The following C9 variants were observed in gnomAD, a reference collection of about 807,000 sequenced individuals.
The protein encoded by C9 is complement component C9.
Under a neutral mutation model 65.4 loss-of-function variants are expected in C9, and 63 were observed. The observed-to-expected ratio is 0.96, with a 90% CI of 0.79 to 1.19. The LOEUF (loss-of-function observed/expected upper bound fraction) is 1.19, where lower values mean the gene tolerates loss of function less well. Ranked by LOEUF, C9 falls within the 50% of genes most tolerant of loss-of-function variation. The probability of loss-of-function intolerance (pLI) is 0.00; values close to 1 mark genes in which losing one functional copy is unlikely to be tolerated. For missense variants in C9, 744 were observed against 670.1 expected, an observed-to-expected ratio of 1.11 and a Z score of -1.22; for synonymous variants, 229 against 227.9, an observed-to-expected ratio of 1.00 and a Z score of -0.04.
chr5:39,319,265 CT>C (rs1367820665), intron 5 of C9, among the ~76,000 whole-genome samples: 1 of 152,222 alleles, frequency 6.6e-6, no homozygotes, highest in Non-Finnish European at 1.5e-5. Context: ...AAAACCACTT[CT>C]TTTATAATTA....
rs1383603031 is a variant in C9, at chr5:39,288,947, G to C, written c.1421C>G (p.Ser474Cys). The C allele has an allele frequency of 6.4e-7, 1 of 1,572,428 alleles. No homozygotes were observed. Among genetic ancestry groups the C allele is most frequent in the East Asian group, 2.2e-5 (1 of 44,598 alleles). The change falls in exon 10 of 11, where the codon TCT becomes TGT. Residue 474 changes from serine to cysteine, a missense_variant. Ser to Cys is a moderately radical substitution (Grantham distance 112). Coordinates refer to ENST00000263408, the MANE Select transcript of C9 (RefSeq NM_001737.5). The stretch of plus-strand genomic sequence containing the variant: ...CACTGGAACCAGATTATATATAGGA[G>C]ACAGCTGAAAGGAAGCAAAACATTT... ...DAPVLISQKL[S>C]PIYNLVPVKM...
At chr5:39,308,921 G>A (rs1369574864) in intron 7 of C9, among the ~76,000 whole-genome samples, 1 of 152,114 alleles carries the variant, frequency 6.6e-6, no homozygotes, top group Non-Finnish European at 1.5e-5. Context: ...TAATTTGGAT[G>A]AGATACATCA....
At chr5:39,312,817 T>C (rs1340538349) in intron 6 of C9, among the ~76,000 whole-genome samples, 3 of 152,216 alleles carry the variant, frequency 2.0e-5, no homozygotes, top group African/African-American at 7.2e-5. Context: ...AGTATATGAA[T>C]ATCATACCAA....
chr5:39,363,796 A>T (rs1754565349), intron 1 of C9, among the ~76,000 whole-genome samples: 1 of 152,206 alleles, frequency 6.6e-6, no homozygotes, highest in African/African-American at 2.4e-5. Context: ...ATCAGAGAAA[A>T]AGGAGAAAAA....
chr5:39,343,130 TC>T (rs1044186404), intron 1 of C9, among the ~76,000 whole-genome samples: 1 of 152,092 alleles, frequency 6.6e-6, no homozygotes, highest in Non-Finnish European at 1.5e-5. Flanking sequence ...TTTCTGCATT[TC>T]CAACTGAGGT....
At chr5:39,349,131 G>T (rs549551937) in intron 1 of C9, among the ~76,000 whole-genome samples, 1 of 151,208 alleles carries the variant, frequency 6.6e-6, no homozygotes, top group Non-Finnish European at 1.5e-5. Context: ...TGTAACCAAC[G>T]TGCACGTTGT....
chr5:39,308,214 G>A lies in C9; in HGVS notation c.1240+16C>T. 1 of 1,611,408 alleles carries A rather than the reference G, an allele frequency of 6.2e-7. No homozygotes were observed. Reference sequence around the variant, plus strand: ...CCTCAGGCTTTATAAAATCTAACAAGTGAGGCCACACTTACCAGCTCTACC... The same window carrying A: ...CCTCAGGCTTTATAAAATCTAACAAATGAGGCCACACTTACCAGCTCTACC... On this transcript the variant is annotated intron_variant, in intron 8 of 10. Coordinates refer to ENST00000263408, the MANE Select transcript of C9 (RefSeq NM_001737.5).
At chr5:39,320,984 G>A (rs758417736) in intron 5 of C9, among the ~76,000 whole-genome samples, 5 of 152,098 alleles carry the variant, frequency 3.3e-5, no homozygotes, top group Non-Finnish European at 5.9e-5. Flanking sequence ...CACAAAAGCT[G>A]TGGAAGTTCA....
chr5:39,342,980 C>A (rs1380685414), intron 1 of C9, among the ~76,000 whole-genome samples: 3 of 152,136 alleles, frequency 2.0e-5, no homozygotes, highest in African/African-American at 7.2e-5. Context: ...CAACAAGAAT[C>A]CTACAAATTC....
chr5:39,309,519 A>C (rs1473500978), intron 7 of C9, among the ~76,000 whole-genome samples: 1 of 152,104 alleles, frequency 6.6e-6, no homozygotes, highest in African/African-American at 2.4e-5. Context: ...AGAGGATAAA[A>C]ATCGAAGACA....
intron 10 of C9, among the ~76,000 whole-genome samples, chr5:39,287,649 G>A (rs1263151504): frequency 6.6e-6 from 1 of 151,962 alleles, no homozygotes; most frequent in African/African-American, 2.4e-5. Flanking sequence ...AACCATGAAA[G>A]AGAATGAAAT....
intron 1 of C9, among the ~76,000 whole-genome samples, chr5:39,350,583 A>G (rs1754304828): frequency 6.6e-6 from 1 of 152,172 alleles, no homozygotes; most frequent in South Asian, 2.1e-4. Flanking sequence ...TCCCTTTCCA[A>G]AAAAGAGAAA....
intron 3 of C9, 122 bp downstream of exon 3, chr5:39,341,434 G>T: frequency 7.1e-7 from 1 of 1,411,346 alleles, no homozygotes; most frequent in Non-Finnish European, 1.0e-6. Context: ...TATATAGATG[G>T]CCTCTTTTGG....
chr5:39,284,925 A>T lies in C9; in HGVS notation c.*274T>A. 1 of 422,600 alleles carries T rather than the reference A, an allele frequency of 2.4e-6. No homozygotes were observed. The highest frequency in any genetic ancestry group is 4.2e-6 in the Non-Finnish European group (1 of 235,310). 26.2% of individuals were successfully genotyped at this position (422,600 alleles called of 1,614,324 possible). On this transcript the variant is annotated 3_prime_UTR_variant, in exon 11 of 11. Coordinates refer to ENST00000263408, the MANE Select transcript of C9 (RefSeq NM_001737.5). ...TTTTAATTTAATTTTGTTTTTTTTT[A>T]GAAGAGATTGGCATTTTCCGTGGGA...
chr5:39,313,160 C>T (rs1753515807), intron 6 of C9, among the ~76,000 whole-genome samples: 1 of 152,098 alleles, frequency 6.6e-6, no homozygotes, highest in Non-Finnish European at 1.5e-5. Context: ...AAAAAGTTTC[C>T]CTTGGCCTCG....
intron 1 of C9, among the ~76,000 whole-genome samples, chr5:39,343,158 T>C (rs368858475): frequency 5.9e-5 from 9 of 152,106 alleles, no homozygotes; most frequent in African/African-American, 2.2e-4. Context: ...TTCATCTCAC[T>C]GGGGCTCATC....
At chr5:39,351,915 G>A (rs908393865) in intron 1 of C9, among the ~76,000 whole-genome samples, 5 of 152,122 alleles carry the variant, frequency 3.3e-5, no homozygotes, top group East Asian at 1.9e-4. Context: ...AGAATGTCCC[G>A]CTCTTGTTAC....
chr5:39,302,903 A>T (rs1471217359), intron 9 of C9, among the ~76,000 whole-genome samples: 1 of 152,172 alleles, frequency 6.6e-6, no homozygotes, highest in Non-Finnish European at 1.5e-5. Flanking sequence ...AAACAAAATG[A>T]GATTAAAGAG....
At chr5:39,338,900 A>G (rs917593744) in intron 4 of C9, among the ~76,000 whole-genome samples, 2 of 152,216 alleles carry the variant, frequency 1.3e-5, no homozygotes, top group African/African-American at 4.8e-5. Flanking sequence ...ATTATGAATG[A>G]TTGTTTTTCA....
Sources: allele counts gnomAD v4.1 joint callset (sites outside exome capture counted in the v4.1 genomes callset), GRCh38; gene constraint gnomAD v4.1.1; transcripts MANE v1.5; gene names NCBI Gene and HGNC (gene_info 2026-07-23, HGNC 2026-07-21).